Variants in SP100 observed in about 807,000 individuals in gnomAD.
The protein encoded by SP100 is SP100 nuclear body protein.
A neutral mutation model predicts 130.0 loss-of-function variants in SP100; 84 were observed. That is an observed-to-expected ratio of 0.65 (90% CI 0.54 to 0.77). The LOEUF (loss-of-function observed/expected upper bound fraction) is 0.77. Ranked by LOEUF, SP100 falls within the 30% of genes least tolerant of loss-of-function variation. The pLI, the probability that SP100 is intolerant of heterozygous loss-of-function variation, is 0.00. For missense variants in SP100, 978 were observed against 1,052.2 expected (o/e 0.93, Z 0.97); for synonymous variants, 331 against 351.7 (o/e 0.94, Z 0.66).
intron 24 of SP100, among the ~76,000 whole-genome samples, chr2:230,526,617 G>A (rs538053426): frequency 2.0e-4 from 30 of 152,262 alleles, no homozygotes; most frequent in Admixed American, 8.5e-4. Flanking sequence ...AAACTTCTCC[G>A]AGCTAAAAGG....
chr2:230,513,957 A>G (rs1203854417), intron 24 of SP100, among the ~76,000 whole-genome samples: 5 of 152,252 alleles, frequency 3.3e-5, no homozygotes, highest in Admixed American at 2.6e-4. Context: ...AAAACACAAT[A>G]GAAAAAAGAA....
chr2:230,478,593 G>A (rs1226156777), intron 17 of SP100, among the ~76,000 whole-genome samples: 2 of 152,166 alleles, frequency 1.3e-5, no homozygotes, highest in African/African-American at 4.8e-5. Flanking sequence ...GTCTTGTGGT[G>A]CAGAATGTCC....
rs550408366 is a variant in SP100, at chr2:230,488,549, G to A, written c.1601-5867G>A. The stretch of plus-strand genomic sequence containing the variant: ...CCACCTCAGCCTCCCAAGTAGCTGG[G>A]ACTACAGGCACCCGCCACCATGCCT... On this transcript the variant is annotated intron_variant, in intron 17 of 28. Coordinates refer to ENST00000340126, the MANE Select transcript of SP100 (RefSeq NM_001080391.2). 5.9e-5 allele frequency among the ~76,000 whole-genome samples: 9 copies of A among 152,238 alleles called. No homozygotes were observed. In the South Asian group the frequency reaches 1.4e-3, roughly 25 times the overall value.
chr2:230,416,550 G>A (rs548870190), intron 1 of SP100, among the ~76,000 whole-genome samples: 12 of 152,156 alleles, frequency 7.9e-5, no homozygotes, highest in Non-Finnish European at 1.8e-4. Flanking sequence ...CATAACACAC[G>A]TGACTTTCTT....
rs145727073 is a variant in SP100 at position 230,459,461 on chromosome 2, C to T, written c.821-1801C>T. On this transcript the variant is annotated intron_variant, in intron 8 of 28. Transcript: ENST00000340126. ...TTCCTCTCCATGGCTCAATCACCAT[C>T]TAAGATCTGTTGATTTCTAAACATA... Among the ~76,000 whole-genome samples the T allele has an allele frequency of 8.7e-4, 132 of 152,288 alleles. 1 individual carries two copies. Among genetic ancestry groups the T allele is most frequent in the Admixed American group, 1.4e-3 (21 of 15,284 alleles).
intron 8 of SP100, among the ~76,000 whole-genome samples, chr2:230,456,184 T>C (rs2064267120): frequency 6.6e-6 from 1 of 152,218 alleles, no homozygotes; most frequent in African/African-American, 2.4e-5. Flanking sequence ...AAAAGTATTC[T>C]TGGTTGTCAG....
chr2:230,474,566 T>A (rs2065441537), intron 17 of SP100, 119 bp downstream of exon 17: 2 of 605,166 alleles, frequency 3.3e-6, no homozygotes, highest in African/African-American at 3.9e-5. Context: ...AGGGTGCATT[T>A]GCAGGTTTGT....
chr2:230,540,728 T>C, intron 25 of SP100, 148 bp from the exon 26 acceptor site: 1 of 921,168 alleles, frequency 1.1e-6, no homozygotes, highest in Non-Finnish European at 1.6e-6. Context: ...TGAGTCCAAA[T>C]GGGGCTCTAG....
intron 15 of SP100, among the ~76,000 whole-genome samples, chr2:230,472,965 T>C (rs940155790): frequency 2.6e-5 from 4 of 152,324 alleles, no homozygotes; most frequent in Admixed American, 1.3e-4. Context: ...AAGGCTCCTG[T>C]TGGAGATTCT....
intron 8 of SP100, among the ~76,000 whole-genome samples, chr2:230,453,186 A>AG (rs1438230134): frequency 6.6e-6 from 1 of 152,168 alleles, no homozygotes; most frequent in Non-Finnish European, 1.5e-5. Context: ...TACAGTGCAA[A>AG]GGGGGGACAA....
intron 17 of SP100, among the ~76,000 whole-genome samples, chr2:230,480,592 G>C (rs1302033962): frequency 6.6e-6 from 1 of 152,128 alleles, no homozygotes; most frequent in African/African-American, 2.4e-5. Flanking sequence ...ATCAAGGGTG[G>C]ATGTCCTGCT....
At chr2:230,516,211 C>A in intron 24 of SP100, 1 of 273,230 alleles carries the variant, frequency 3.7e-6, no homozygotes, top group Non-Finnish European at 5.6e-6. Context: ...ATATGACACT[C>A]TAGTCAAAGC....
In SP100 at chr2:230,504,268, A is replaced by AT. The variant is rs1171892493; in HGVS notation, c.1849dup (p.Tyr617LeufsTer2). 6.2e-7 allele frequency: 1 copy of AT among 1,605,198 alleles called. No individual in the cohort carries two copies. The highest frequency in any genetic ancestry group is 1.3e-5 in the African/African-American group (1 of 74,708). ...CCTGTGGTGAGGTGAAGGGCACTCT[A>AT]TATAAGGAGCGATTCAAACAAGGTG... On this transcript the variant is annotated frameshift_variant, in exon 21 of 29. Transcript: ENST00000340126. LOFTEE classifies it high-confidence loss of function.
Position 230,474,375 on chromosome 2 carries a change from A to T in SP100, c.1547-19A>T, listed in dbSNP as rs761561087. The T allele has an allele frequency of 2.8e-6, 4 of 1,426,034 alleles. No homozygotes were observed. Among genetic ancestry groups the T allele is most frequent in the Non-Finnish European group, 3.9e-6 (4 of 1,020,582 alleles). 88.3% of individuals were successfully genotyped at this position (1,426,034 alleles called of 1,614,324 possible). On this transcript the variant is annotated intron_variant, in intron 16 of 28. Transcript: ENST00000340126. ...ACTTATAAATTACAGTTCTCTGACC[A>T]CTACCTGTCACTTTCTAGATACCAT...
At chr2:230,466,775 C>T (rs1362963110) in intron 12 of SP100, among the ~76,000 whole-genome samples, 1 of 152,014 alleles carries the variant, frequency 6.6e-6, no homozygotes, top group Non-Finnish European at 1.5e-5. Context: ...CAAATAAATA[C>T]AAATCCATAT....
Position 230,449,112 on chromosome 2 carries a change from G to C in SP100, c.548G>C (p.Ser183Thr). 6.2e-7 allele frequency: 1 copy of C among 1,612,382 alleles called. No individual in the cohort carries two copies. Among genetic ancestry groups the C allele is most frequent in the African/African-American group, 1.3e-5 (1 of 75,012 alleles). The part of the protein sequence containing the change: ...EQGTGENSFR[S>T]LTWPPSGSPS... ...GGAACTGGTGAAAACTCTTTTCGAA[G>C]CCTGACTTGGCCACCTTCGGGTTCC... is the stretch of plus-strand genomic sequence containing the variant. Residue 183 changes from serine to threonine, a missense_variant, in exon 6 of 29, where the codon AGC (serine) becomes ACC (threonine). Transcript: ENST00000340126.
At chr2:230,474,523 C>G (rs2065436619) in intron 17 of SP100, 76 bp downstream of exon 17, 1 of 758,010 alleles carries the variant, frequency 1.3e-6, no homozygotes. Context: ...TTATTATCAT[C>G]ATTTTCTTTT....
chr2:230,425,728 T>G (rs966452399), intron 2 of SP100, among the ~76,000 whole-genome samples: 6 of 152,150 alleles, frequency 3.9e-5, no homozygotes, highest in Non-Finnish European at 5.9e-5. Flanking sequence ...TTTTTTTTCT[T>G]GTAGTATACT....
chr2:230,528,973 T>C (rs1214782385), intron 24 of SP100, among the ~76,000 whole-genome samples: 1 of 152,182 alleles, frequency 6.6e-6, no homozygotes, highest in Non-Finnish European at 1.5e-5. Flanking sequence ...ACCAGACAGA[T>C]TCACAGCCCA....
Sources: gnomAD v4.1 joint callset for allele counts (sites outside exome capture counted in the v4.1 genomes callset) on GRCh38, gnomAD v4.1.1 for gene constraint, MANE v1.5 for transcripts, NCBI Gene and HGNC (gene_info 2026-07-23, HGNC 2026-07-21) for gene names.